Variants in MACROD2 observed in about 807,000 individuals in gnomAD.
The protein encoded by MACROD2 is ADP-ribose glycohydrolase MACROD2.
A neutral mutation model predicts 70.4 loss-of-function variants in MACROD2; 36 were observed. The ratio of observed to expected loss-of-function variants is 0.51; its 90% CI spans 0.39 to 0.68. The LOEUF (loss-of-function observed/expected upper bound fraction) is 0.68, where lower values mean the gene tolerates loss of function less well. Among genes scored for constraint, MACROD2 ranks in the 30% least tolerant of loss-of-function variants. MACROD2 has a pLI of 0.00. For missense variants in MACROD2, 496 were observed against 538.4 expected (o/e 0.92, Z 0.78); for synonymous variants, 172 against 178.8 (o/e 0.96, Z 0.30).
chr20:14,293,167 C>T (rs1184717024), intron 3 of MACROD2, among the ~76,000 whole-genome samples: 1 of 151,184 alleles, frequency 6.6e-6, no homozygotes, highest in Non-Finnish European at 1.5e-5. Flanking sequence ...AATCATTTAC[C>T]CAACAAATAT....
chr20:15,793,239 A>G (rs1300172514), intron 8 of MACROD2, among the ~76,000 whole-genome samples: 1 of 152,152 alleles, frequency 6.6e-6, no homozygotes, highest in Non-Finnish European at 1.5e-5. Context: ...TGTGCATCAC[A>G]ATCACCAGGA....
chr20:15,474,646 T>C (rs1458301226), intron 7 of MACROD2, among the ~76,000 whole-genome samples: 1 of 152,196 alleles, frequency 6.6e-6, no homozygotes, highest in African/African-American at 2.4e-5. Context: ...AGTAACTTCA[T>C]ACAAATCAGA....
At chr20:14,704,414 A>T (rs1042715833) in intron 5 of MACROD2, among the ~76,000 whole-genome samples, 2 of 152,012 alleles carry the variant, frequency 1.3e-5, no homozygotes, top group Admixed American at 6.5e-5. Flanking sequence ...CAGATTTCTC[A>T]GTGGGATCGG....
Position 15,596,977 on chromosome 20 carries a change from C to T in MACROD2, c.645+97130C>T, listed in dbSNP as rs118143839. Among the ~76,000 whole-genome samples the T allele has an allele frequency of 7.2e-3, 1,098 of 152,286 alleles. 4 individuals carry two copies. The highest frequency in any genetic ancestry group is 0.01 in the South Asian group (50 of 4,822). On this transcript the variant is annotated intron_variant, in intron 8 of 17. Transcript: ENST00000684519. ...GGCATAAGACAATGCCTGCTATATT[C>T]CATGGAGATCATCCTACAAAACTTT...
At chr20:14,008,450 C>G (rs529764271) in intron 2 of MACROD2, among the ~76,000 whole-genome samples, 3 of 152,120 alleles carry the variant, frequency 2.0e-5, no homozygotes, top group African/African-American at 7.2e-5. Context: ...GACCTACAAA[C>G]CACTGCTCAA....
intron 5 of MACROD2, among the ~76,000 whole-genome samples, chr20:14,859,594 T>C (rs1346463104): frequency 1.3e-5 from 2 of 152,188 alleles, no homozygotes; most frequent in Non-Finnish European, 2.9e-5. Context: ...TATTAAACCA[T>C]TGGAATGGTG....
intron 3 of MACROD2, among the ~76,000 whole-genome samples, chr20:14,397,951 T>C (rs2083597828): frequency 9.2e-6 from 1 of 108,152 alleles, no homozygotes; most frequent in Non-Finnish European, 2.5e-5. Context: ...GTGAGCTTTT[T>C]TGTTGTTGTT....
At chr20:14,239,369 CTG>C (rs2081908871) in intron 3 of MACROD2, among the ~76,000 whole-genome samples, 1 of 152,190 alleles carries the variant, frequency 6.6e-6, no homozygotes, top group Non-Finnish European at 1.5e-5. Flanking sequence ...ATTAGAGAAA[CTG>C]TTTTAAAATT....
chr20:14,319,505 A>G (rs1461126234), intron 3 of MACROD2, among the ~76,000 whole-genome samples: 2 of 151,428 alleles, frequency 1.3e-5, no homozygotes, highest in African/African-American at 2.4e-5. Flanking sequence ...AGACCCCTTC[A>G]CCCTCTTAAC....
chr20:14,002,886 G>A (rs1283664120), intron 2 of MACROD2, among the ~76,000 whole-genome samples: 1 of 152,162 alleles, frequency 6.6e-6, no homozygotes, highest in African/African-American at 2.4e-5. Flanking sequence ...ATGTCTGTAT[G>A]TAAAGTATTT....
intron 8 of MACROD2, among the ~76,000 whole-genome samples, chr20:15,794,559 C>T (rs186120311): frequency 9.1e-4 from 138 of 152,190 alleles, no homozygotes; most frequent in African/African-American, 3.3e-3. Context: ...TCTCCTTTCC[C>T]CTAAAGATCA....
intron 5 of MACROD2, among the ~76,000 whole-genome samples, chr20:14,935,720 G>A (rs1029789222): frequency 2.0e-5 from 3 of 152,118 alleles, no homozygotes; most frequent in African/African-American, 7.2e-5. Flanking sequence ...CACTACCACA[G>A]TGAACTGCTA....
intron 8 of MACROD2, among the ~76,000 whole-genome samples, chr20:15,841,325 C>A (rs1451060998): frequency 6.6e-6 from 1 of 152,058 alleles, no homozygotes; most frequent in East Asian, 1.9e-4. Flanking sequence ...GTGTATTAGT[C>A]CATTCTCACA....
intron 8 of MACROD2, among the ~76,000 whole-genome samples, chr20:15,588,322 C>G (rs1465644312): frequency 1.3e-5 from 2 of 152,170 alleles, no homozygotes; most frequent in African/African-American, 4.8e-5. Flanking sequence ...CACAAAACCA[C>G]TTTTTCCTCC....
intron 3 of MACROD2, among the ~76,000 whole-genome samples, chr20:14,321,666 A>G (rs1048146461): frequency 1.3e-5 from 2 of 152,210 alleles, no homozygotes; most frequent in African/African-American, 2.4e-5. Flanking sequence ...CAGATGCTTT[A>G]GGGCATGTAG....
chr20:15,969,254 T>A (rs2066192788), intron 13 of MACROD2, among the ~76,000 whole-genome samples: 1 of 152,134 alleles, frequency 6.6e-6, no homozygotes, highest in Non-Finnish European at 1.5e-5. Flanking sequence ...AAAAGAGTGT[T>A]ACAGGCTTCA....
At chr20:14,222,383 A>T (rs2081683711) in intron 3 of MACROD2, among the ~76,000 whole-genome samples, 1 of 152,192 alleles carries the variant, frequency 6.6e-6, no homozygotes, top group South Asian at 2.1e-4. Flanking sequence ...AACAACTCAG[A>T]CACAGAAAGA....
chr20:15,177,232 G>A (rs1407118148), intron 5 of MACROD2, among the ~76,000 whole-genome samples: 2 of 152,300 alleles, frequency 1.3e-5, no homozygotes, highest in Admixed American at 1.3e-4. Context: ...CAGGCAGAAA[G>A]GTTTCTGGCT....
intron 8 of MACROD2, among the ~76,000 whole-genome samples, chr20:15,591,426 A>G (rs1481068776): frequency 6.6e-6 from 1 of 152,066 alleles, no homozygotes; most frequent in Non-Finnish European, 1.5e-5. Context: ...CCAACATGAC[A>G]AGAACCTGAC....
Sources: allele counts gnomAD v4.1 joint callset (sites outside exome capture counted in the v4.1 genomes callset), GRCh38; gene constraint gnomAD v4.1.1; transcripts MANE v1.5; gene names NCBI Gene and HGNC (gene_info 2026-07-23, HGNC 2026-07-21).